The following ASZ1 variants were observed in gnomAD, a reference collection of about 807,000 sequenced individuals.
ASZ1 encodes ankyrin repeat, SAM and basic leucine zipper domain containing 1.
Under a neutral mutation model 61.8 loss-of-function variants are expected in ASZ1, and 67 were observed. That is an observed-to-expected ratio of 1.08 (90% CI 0.89 to 1.33). ASZ1 has a LOEUF of 1.33. Ranked by LOEUF, ASZ1 falls within the 40% of genes most tolerant of loss-of-function variation. The pLI, the probability that ASZ1 is intolerant of heterozygous loss-of-function variation, is 0.00. For synonymous variants in ASZ1, 193 were observed against 192.7 expected (o/e 1.00, Z -0.01); for missense variants, 577 against 554.5 (o/e 1.04, Z -0.41).
intron 4 of ASZ1, among the ~76,000 whole-genome samples, chr7:117,415,457 T>C (rs1036412709): frequency 6.6e-6 from 1 of 152,168 alleles, no homozygotes; most frequent in Non-Finnish European, 1.5e-5. Context: ...CCAAGAAAGA[T>C]GAGTACAGTA....
At chr7:117,408,479 C>T (rs568262555) in intron 4 of ASZ1, among the ~76,000 whole-genome samples, 44 of 152,146 alleles carry the variant, frequency 2.9e-4, no homozygotes, top group African/African-American at 8.7e-4. Flanking sequence ...CCAACCATTG[C>T]CAAATCACAT....
chr7:117,410,117 T>C (rs1055912717), intron 4 of ASZ1, among the ~76,000 whole-genome samples: 7 of 151,772 alleles, frequency 4.6e-5, no homozygotes, highest in Admixed American at 3.3e-4. Flanking sequence ...ATCTGCTTAG[T>C]AGTACAGTCA....
intron 10 of ASZ1, among the ~76,000 whole-genome samples, chr7:117,376,870 G>T (rs4730778): frequency 6.6e-6 from 1 of 151,862 alleles, no homozygotes; most frequent in East Asian, 1.9e-4. Context: ...CCTGAGATTG[G>T]GAAGAAGGCA....
chr7:117,369,738 G>A (rs1440242899), intron 10 of ASZ1, among the ~76,000 whole-genome samples: 1 of 152,178 alleles, frequency 6.6e-6, no homozygotes, highest in African/African-American at 2.4e-5. Flanking sequence ...ACGGAAGGCG[G>A]TGCTGCCAAG....
At chr7:117,376,525 C>T (rs977283707) in intron 10 of ASZ1, among the ~76,000 whole-genome samples, 1 of 151,666 alleles carries the variant, frequency 6.6e-6, no homozygotes, top group African/African-American at 2.4e-5. Flanking sequence ...TTATCATGAA[C>T]TTAGACACAA....
intron 3 of ASZ1, among the ~76,000 whole-genome samples, chr7:117,420,574 C>T (rs1332448535): frequency 2.0e-5 from 3 of 152,210 alleles, no homozygotes; most frequent in Admixed American, 6.5e-5. Context: ...TGGATTTGAA[C>T]AGTTTTTGGT....
intron 4 of ASZ1, among the ~76,000 whole-genome samples, chr7:117,397,807 T>C (rs1343816697): frequency 6.7e-6 from 1 of 149,860 alleles, no homozygotes; most frequent in Non-Finnish European, 1.5e-5. Context: ...TTCCACTAAG[T>C]CTCAGGTGGA....
chr7:117,420,812 C>T (rs1304765164), intron 3 of ASZ1, among the ~76,000 whole-genome samples: 1 of 152,150 alleles, frequency 6.6e-6, no homozygotes, highest in African/African-American at 2.4e-5. Context: ...TCTCATGGTG[C>T]CAGCAAAGAT....
chr7:117,421,289 T>A (rs1477815975), intron 3 of ASZ1, among the ~76,000 whole-genome samples: 2 of 152,156 alleles, frequency 1.3e-5, no homozygotes, highest in Non-Finnish European at 2.9e-5. Flanking sequence ...CATAACTCAC[T>A]GCAACCTCGA....
intron 10 of ASZ1, among the ~76,000 whole-genome samples, chr7:117,370,440 G>T (rs965348259): frequency 6.6e-6 from 1 of 152,136 alleles, no homozygotes; most frequent in Admixed American, 6.6e-5. Flanking sequence ...ATTCAAAGGA[G>T]AAAAGATTAG....
chr7:117,422,444 A>C, intron 2 of ASZ1, 85 bp from the exon 3 acceptor site: 1 of 1,414,048 alleles, frequency 7.1e-7, no homozygotes, highest in Non-Finnish European at 9.5e-7. Flanking sequence ...GTACTGTGTA[A>C]AGTGACGTAC....
chr7:117,426,982 T>C, intron 1 of ASZ1, 47 bp from the exon 2 acceptor site: 1 of 1,524,086 alleles, frequency 6.6e-7, no homozygotes, highest in African/African-American at 1.4e-5. Context: ...TATATTTTTG[T>C]TTCCACCTCA....
intron 4 of ASZ1, among the ~76,000 whole-genome samples, chr7:117,418,522 G>A (rs1047212006): frequency 1.3e-5 from 2 of 151,920 alleles, no homozygotes; most frequent in South Asian, 2.1e-4. Context: ...TCGTGGTGGC[G>A]TGCGTCTCTA....
Position 117,369,323 on chromosome 7 carries a change from T to C in ASZ1, c.1056-606A>G, listed in dbSNP as rs1796004859. Among the ~76,000 whole-genome samples the C allele has an allele frequency of 3.3e-5, 5 of 152,054 alleles. No individual in the cohort carries two copies. In the South Asian group the frequency reaches 1.0e-3, roughly 31 times the overall value. ...ACTAAGGTGTAATTAAAACACAAATTATTGAAAAGTAGTAAGAGAAAAGGC... is the reference window on the plus strand; with the variant it reads ...ACTAAGGTGTAATTAAAACACAAATCATTGAAAAGTAGTAAGAGAAAAGGC... On this transcript the variant is annotated intron_variant, in intron 10 of 12. Coordinates refer to ENST00000284629, the MANE Select transcript of ASZ1 (RefSeq NM_130768.3).
In ASZ1 at chr7:117,363,574, T is replaced by C. The variant is rs775310649; in HGVS notation, c.*22A>G. On this transcript the variant is annotated 3_prime_UTR_variant, in exon 13 of 13. Transcript: ENST00000284629. ...GATGGTTCAATAAGATGTGTATATA[T>C]AACTTAAAACAAATATTTGGATTAT... 6.4e-7 allele frequency: 1 copy of C among 1,570,220 alleles called. No homozygotes were observed. Among genetic ancestry groups the C allele is most frequent in the East Asian group, 2.3e-5 (1 of 43,938 alleles).
intron 4 of ASZ1, among the ~76,000 whole-genome samples, chr7:117,417,317 T>A (rs1797014934): frequency 6.6e-6 from 1 of 152,184 alleles, no homozygotes; most frequent in South Asian, 2.1e-4. Context: ...TCTTGAGAGG[T>A]AATTTTTCTC....
intron 3 of ASZ1, among the ~76,000 whole-genome samples, 175 bp downstream of exon 3, chr7:117,422,062 A>T (rs1797108191): frequency 6.6e-6 from 1 of 152,204 alleles, no homozygotes; most frequent in Non-Finnish European, 1.5e-5. Flanking sequence ...TTTTGGAAAG[A>T]GAGTTTTTCA....
At chr7:117,388,504 T>A (rs1796401214) in intron 4 of ASZ1, among the ~76,000 whole-genome samples, 2 of 151,966 alleles carry the variant, frequency 1.3e-5, no homozygotes, top group African/African-American at 4.8e-5. Context: ...ATTTGAAACA[T>A]CAATCAATAT....
chr7:117,373,119 T>C (rs1796077738), intron 10 of ASZ1, among the ~76,000 whole-genome samples: 1 of 152,166 alleles, frequency 6.6e-6, no homozygotes, highest in Non-Finnish European at 1.5e-5. Flanking sequence ...CAAGTGGATG[T>C]CAGTTAGCTC....
Sources: gnomAD v4.1 joint callset for allele counts (sites outside exome capture counted in the v4.1 genomes callset) on GRCh38, gnomAD v4.1.1 for gene constraint, MANE v1.5 for transcripts, NCBI Gene and HGNC (gene_info 2026-07-23, HGNC 2026-07-21) for gene names.